Variants in CERKL observed in about 807,000 individuals in gnomAD.
CERKL encodes CERK like autophagy regulator.
A neutral mutation model predicts 63.4 loss-of-function variants in CERKL; 61 were observed. The observed-to-expected ratio is 0.96, with a 90% confidence interval of 0.78 to 1.19. The LOEUF is 1.19. CERKL is among the 50% of genes most tolerant of loss of function. The pLI, the probability that CERKL is intolerant of heterozygous loss-of-function variation, is 0.00. For synonymous variants in CERKL, 250 were observed against 230.5 expected (o/e 1.08, Z -0.77); for missense variants, 675 against 655.5 (o/e 1.03, Z -0.33).
At chr2:181,654,906 T>A (rs1227365431) in intron 1 of CERKL, among the ~76,000 whole-genome samples, 1 of 152,142 alleles carries the variant, frequency 6.6e-6, no homozygotes, top group East Asian at 1.9e-4. Flanking sequence ...TGCCTCAGCC[T>A]CCCAAGTAGC....
At chr2:181,650,785 AG>A (rs1687897900) in intron 1 of CERKL, among the ~76,000 whole-genome samples, 1 of 127,584 alleles carries the variant, frequency 7.8e-6, no homozygotes, top group African/African-American at 4.1e-5. Context: ...AAGAAAAAAA[AG>A]AACAGAACAA....
At position 181,539,448 on chromosome 2, in the gene CERKL, T is replaced by A. The variant is rs551553228; in HGVS notation, c.1366-184A>T. ...AGAAGGAATCTCTTATCCAAAGCCT[T>A]TTGGGTTCTTTTAGATCTAGCACCT... On this transcript the variant is annotated intron_variant, in intron 11 of 12. Coordinates refer to ENST00000410087, the MANE Select transcript of CERKL (RefSeq NM_201548.5). Among the ~76,000 whole-genome samples, 10 of 152,286 alleles carry A rather than the reference T, an allele frequency of 6.6e-5. No homozygotes were observed. In the South Asian group the frequency reaches 1.7e-3, roughly 25 times the overall value.
chr2:181,638,563 T>C (rs138103817), intron 1 of CERKL, among the ~76,000 whole-genome samples: 150 of 152,238 alleles, frequency 9.9e-4, no homozygotes, highest in Admixed American at 1.5e-3. Context: ...ATCATAACAA[T>C]AAAAAAACCT....
intron 2 of CERKL, 197 bp downstream of exon 2, chr2:181,603,640 G>C: frequency 1.5e-6 from 1 of 663,532 alleles, no homozygotes; most frequent in Non-Finnish European, 2.8e-6. Context: ...TTAACAGGAT[G>C]TAGGGAAAAA....
At chr2:181,542,266 C>T (rs952231547) in intron 11 of CERKL, among the ~76,000 whole-genome samples, 9 of 152,108 alleles carry the variant, frequency 5.9e-5, no homozygotes, top group Non-Finnish European at 1.3e-4. Flanking sequence ...GGAGCCACTC[C>T]GCACATGGTG....
intron 12 of CERKL, 72 bp from the exon 13 acceptor site, chr2:181,538,316 C>T: frequency 1.2e-6 from 1 of 803,922 alleles, no homozygotes; most frequent in South Asian, 1.5e-5. Context: ...GTATGGTACA[C>T]AATGCCAATG....
intron 2 of CERKL, among the ~76,000 whole-genome samples, chr2:181,597,568 G>T (rs187943489): frequency 1.5e-4 from 23 of 152,324 alleles, no homozygotes; most frequent in South Asian, 1.2e-3. Flanking sequence ...AACCCCCAAA[G>T]AATTCAAGGC....
chr2:181,640,177 TG>T (rs1687356911), intron 1 of CERKL, among the ~76,000 whole-genome samples: 1 of 152,198 alleles, frequency 6.6e-6, no homozygotes, highest in South Asian at 2.1e-4. Context: ...TATTCTGGTT[TG>T]CATGCCAAAA....
intron 4 of CERKL, among the ~76,000 whole-genome samples, chr2:181,560,070 T>C (rs1238845555): frequency 6.6e-6 from 1 of 152,194 alleles, no homozygotes; most frequent in Admixed American, 6.5e-5. Flanking sequence ...CTAATTTCTA[T>C]TAAATCCTCA....
intron 5 of CERKL, among the ~76,000 whole-genome samples, chr2:181,557,527 G>A (rs1688264538): frequency 6.6e-6 from 1 of 152,102 alleles, no homozygotes; most frequent in Admixed American, 6.6e-5. Flanking sequence ...ATCAGCTTTT[G>A]AATGATGTTT....
chr2:181,544,120 A>T (rs1173319662), intron 11 of CERKL, among the ~76,000 whole-genome samples: 1 of 152,206 alleles, frequency 6.6e-6, no homozygotes, highest in Non-Finnish European at 1.5e-5. Flanking sequence ...ATCAGGTCAA[A>T]ACAGCTGCCA....
intron 1 of CERKL, among the ~76,000 whole-genome samples, chr2:181,627,598 TG>T (rs1396984652): frequency 6.6e-6 from 1 of 152,214 alleles, no homozygotes; most frequent in Non-Finnish European, 1.5e-5. Flanking sequence ...CAGGATAGGA[TG>T]AGTATTTCTT....
At chr2:181,600,486 A>C (rs1685410963) in intron 2 of CERKL, among the ~76,000 whole-genome samples, 1 of 152,216 alleles carries the variant, frequency 6.6e-6, no homozygotes, top group Non-Finnish European at 1.5e-5. Context: ...ACATGTAATG[A>C]CAACCATGGG....
intron 3 of CERKL, among the ~76,000 whole-genome samples, chr2:181,569,596 T>A (rs1355609629): frequency 6.6e-6 from 1 of 152,170 alleles, no homozygotes; most frequent in African/African-American, 2.4e-5. Flanking sequence ...ATCTGGTGAC[T>A]AGGCACTCCC....
chr2:181,548,704 A>G lies in CERKL; in HGVS notation c.1049T>C (p.Val350Ala). The change falls in exon 7 of 13, where the codon GTT becomes GCT. Residue 350 changes from valine to alanine, a missense_variant. By Grantham distance (64) the Val-to-Ala change is moderately conservative (BLOSUM62 0). Transcript: ENST00000410087. Reference protein sequence around the residue: ...MSPNQRRDFAVVKALAKLKAE... With the variant: ...MSPNQRRDFAAVKALAKLKAE... ...CTTAAGTTTTGCCAGTGCCTTAACA[A>G]CAGCAAAATCTCTCCGTTGGTTAGG... The G allele has an allele frequency of 1.2e-6, 2 of 1,613,994 alleles. No homozygotes were observed. The highest frequency in any genetic ancestry group is 1.7e-6 in the Non-Finnish European group (2 of 1,179,922).
chr2:181,624,132 T>G (rs948770535), intron 1 of CERKL, among the ~76,000 whole-genome samples: 2 of 152,074 alleles, frequency 1.3e-5, no homozygotes, highest in African/African-American at 4.8e-5. Flanking sequence ...AGTAGAGGGA[T>G]CAGGCACAAG....
intron 3 of CERKL, among the ~76,000 whole-genome samples, chr2:181,572,172 T>G (rs926029248): frequency 5.9e-5 from 9 of 152,024 alleles, no homozygotes; most frequent in African/African-American, 2.2e-4. Context: ...CTTCCTTCCC[T>G]CATTTTTTGT....
intron 1 of CERKL, among the ~76,000 whole-genome samples, chr2:181,638,460 A>C (rs1393641721): frequency 6.6e-6 from 1 of 152,208 alleles, no homozygotes; most frequent in Non-Finnish European, 1.5e-5. Context: ...TTGGTCTAAA[A>C]ATCCAAAATG....
At chr2:181,610,857 C>G (rs534622278) in intron 1 of CERKL, among the ~76,000 whole-genome samples, 1 of 151,990 alleles carries the variant, frequency 6.6e-6, no homozygotes, top group African/African-American at 2.4e-5. Flanking sequence ...TTAAAATATA[C>G]CTGGTTTTGA....
Sources: allele counts gnomAD v4.1 joint callset (sites outside exome capture counted in the v4.1 genomes callset), GRCh38; gene constraint gnomAD v4.1.1; transcripts MANE v1.5; gene names NCBI Gene and HGNC (gene_info 2026-07-23, HGNC 2026-07-21).